BCL9L: variants seen among roughly 807,000 people sequenced by gnomAD.
BCL9L encodes the protein B-cell CLL/lymphoma 9-like protein.
Under a neutral mutation model 99.4 loss-of-function variants are expected in BCL9L, and 19 were observed. The ratio of observed to expected loss-of-function variants is 0.19; its 90% CI spans 0.13 to 0.28. The LOEUF is 0.28. BCL9L is among the 10% of genes least tolerant of loss of function. The probability of loss-of-function intolerance (pLI) is 1.00; values close to 1 mark genes in which losing one functional copy is unlikely to be tolerated. For missense variants in BCL9L, 2,023 were observed against 2,101.6 expected (o/e 0.96, Z 0.73); for synonymous variants, 900 against 854.8 (o/e 1.05, Z -0.92).
Position 118,902,288 on chromosome 11 carries a change from C to T in BCL9L, c.1455G>A (p.Glu485=). The change falls in exon 8 of 10, where the codon GAG becomes GAA. Residue 485 remains glutamate, a synonymous_variant. Coordinates refer to ENST00000683865, the MANE Select transcript of BCL9L (RefSeq NM_001378213.1). The surrounding 1 kb of genome is among the most constrained non-coding windows in gnomAD (Gnocchi z 7.8). The part of the protein sequence containing the change: ...QTQSLGGPPL[E]HEVPGHPPGG... Reference sequence around the variant, plus strand: ...CCGGGGGGTGCCCAGGCACTTCATGCTCCAGCGGGGGGCCCCCTAGGCTCT... The same window carrying T: ...CCGGGGGGTGCCCAGGCACTTCATGTTCCAGCGGGGGGCCCCCTAGGCTCT... The T allele has an allele frequency of 2.5e-6, 4 of 1,584,208 alleles. No individual in the cohort carries two copies. The highest frequency in any genetic ancestry group is 3.4e-6 in the Non-Finnish European group (4 of 1,163,856).
Position 118,922,159 on chromosome 11 carries a change from G to A in BCL9L, c.-131+3079C>T, listed in dbSNP as rs1039670133. On this transcript the variant is annotated intron_variant, in intron 1 of 9. Transcript: ENST00000683865. The surrounding 1 kb of genome is among the most constrained non-coding windows in gnomAD (Gnocchi z 6.2). ...AGGCTGAGTTCTCCCAGGAGGGGAG[G>A]GAGGGGAGGTCAGGCCAGGCTGGGG... Among the ~76,000 whole-genome samples, 3 of 152,080 alleles carry A rather than the reference G, an allele frequency of 2.0e-5. No homozygotes were observed. Among genetic ancestry groups the A allele is most frequent in the African/African-American group, 7.2e-5 (3 of 41,424 alleles).
At position 118,900,074 on chromosome 11, in the gene BCL9L, G is replaced by C. The variant is rs745531554; in HGVS notation, c.3249C>G (p.Pro1083=). ...ACATCTGGGTCATCATCAGTGACAG[G>C]GGGTTCTGGGAAGGTGTGGGGTCTG... The part of the protein sequence containing the change: ...SSPDPTPSQN[P]LSLMMTQMSK... The change falls in exon 9 of 10, where the codon CCC becomes CCG. Residue 1083 remains proline, a synonymous_variant. Coordinates refer to ENST00000683865, the MANE Select transcript of BCL9L (RefSeq NM_001378213.1). This position sits in a 1 kb window ranked among gnomAD's most constrained non-coding sequence, Gnocchi z 5.3. 1 of 1,614,020 alleles carries C rather than the reference G, an allele frequency of 6.2e-7. No individual in the cohort carries two copies. The highest frequency in any genetic ancestry group is 8.5e-7 in the Non-Finnish European group (1 of 1,179,962).
Position 118,907,596 on chromosome 11 carries a change from G to C in BCL9L, c.419C>G (p.Ala140Gly). ...CACACAGCGCCGCTTACTCCGCGGCGCCACCTCTGCCCAGGCAGGACGGAG... is the reference window on the plus strand; with the variant it reads ...CACACAGCGCCGCTTACTCCGCGGCCCCACCTCTGCCCAGGCAGGACGGAG... ...PSLDSEAKEV[A>G]PRSKRRCVLE... Residue 140 changes from alanine to glycine, a missense_variant, in exon 5 of 10, where the codon GCG becomes GGG. Ala to Gly is a moderately conservative substitution (Grantham distance 60, BLOSUM62 0). This residue lies in a region of BCL9L where 1,116 missense variants were observed against 1,194.6 expected (regional missense o/e 0.93). Coordinates refer to ENST00000683865, the MANE Select transcript of BCL9L (RefSeq NM_001378213.1). 1 of 1,612,568 alleles carries C rather than the reference G, an allele frequency of 6.2e-7. No individual in the cohort carries two copies. Among genetic ancestry groups the C allele is most frequent in the African/African-American group, 1.3e-5 (1 of 75,066 alleles).
intron 2 of BCL9L, among the ~76,000 whole-genome samples, chr11:118,918,029 A>G (rs1423035260): frequency 6.6e-6 from 1 of 152,116 alleles, no homozygotes; most frequent in Non-Finnish European, 1.5e-5. Context: ...CTCAGTAGAG[A>G]GCAGGACCAC....
chr11:118,908,291 A>G lies in BCL9L; in HGVS notation c.391T>C (p.Ser131Pro), dbSNP rs1940614205. The G allele has an allele frequency of 1.9e-6, 3 of 1,559,290 alleles. No individual in the cohort carries two copies. The highest frequency in any genetic ancestry group is 2.4e-5 in the South Asian group (2 of 82,376). ...GTACCTTTGGCCTCTGAATCCAGGG[A>G]TGGGGTCCCAGCCTCTCGCTGCTCT... ...SGEQREAGTPSLDSEAKEVAP... is the reference protein window; with the variant it reads ...SGEQREAGTPPLDSEAKEVAP... The change falls in exon 4 of 10, where the codon TCC becomes CCC. Residue 131 changes from serine (S) to proline (P), a missense_variant. Around this residue, in one of 3 missense-constraint regions of BCL9L, gnomAD observed 1,116 missense variants for 1,194.6 expected, o/e 0.93. Transcript: ENST00000683865.
At position 118,911,507 on chromosome 11, in the gene BCL9L, A is replaced by G. The variant is rs143276911; in HGVS notation, c.-76-1492T>C. On this transcript the variant is annotated intron_variant, in intron 2 of 9. Coordinates refer to ENST00000683865, the MANE Select transcript of BCL9L (RefSeq NM_001378213.1). ...GCCTGGGAAGCAGCCCGCCACCCCC[A>G]GCTTCTCCATCACAACCAGGGAAGA... Among the ~76,000 whole-genome samples the G allele has an allele frequency of 5.0e-3, 758 of 152,344 alleles. 10 individuals are homozygous for G. The highest frequency in any genetic ancestry group is 0.017 in the African/African-American group (724 of 41,588).
intron 1 of BCL9L, among the ~76,000 whole-genome samples, chr11:118,923,015 TC>T (rs141852934): frequency 0.015 from 2,278 of 152,130 alleles, 54 homozygotes; most frequent in African/African-American, 0.052. Context: ...CCCCAGCTCC[TC>T]CTATTGGACT....
chr11:118,902,978 C>A lies in BCL9L; in HGVS notation c.834+12G>T. 3.1e-6 allele frequency: 5 copies of A among 1,595,108 alleles called. No homozygotes were observed. The highest frequency in any genetic ancestry group is 4.3e-6 in the Non-Finnish European group (5 of 1,175,232). On this transcript the variant is annotated intron_variant, in intron 7 of 9. Transcript: ENST00000683865. The surrounding 1 kb of genome is among the most constrained non-coding windows in gnomAD (Gnocchi z 7.8). ...CACCCAGTCCTGCTGCTCACAGAGG[C>A]GCCACGCTCACCTGGTCAAGCTTGG...
At chr11:118,910,210 CTCAGGGGG>C in intron 2 of BCL9L, 195 bp from the exon 3 acceptor site, 1 of 504,752 alleles carries the variant, frequency 2.0e-6, no homozygotes, top group Non-Finnish European at 3.6e-6. Flanking sequence ...GCACCTTGCC[CTCAGGGGG>C]CTTGCAGTCT....
rs561140310 is a variant in BCL9L, at chr11:118,897,916, G to A, written c.*499C>T. 1,227 of 452,720 alleles carry A rather than the reference G, an allele frequency of 2.7e-3. 9 individuals carry two copies. Among genetic ancestry groups the A allele is most frequent in the African/African-American group, 0.023 (1,128 of 49,672 alleles). 28.0% of individuals were successfully genotyped at this position (452,720 alleles called of 1,614,324 possible). A position where few individuals can be genotyped will look rare whatever the true frequency, so the allele number is the denominator to read the frequency against. Reference sequence around the variant, plus strand: ...GAGAGGGGTCAGCCACATCAGCAGGGAAAGGATACGAAGCAGGTAAAGACA... The same window carrying A: ...GAGAGGGGTCAGCCACATCAGCAGGAAAAGGATACGAAGCAGGTAAAGACA... On this transcript the variant is annotated 3_prime_UTR_variant, in exon 10 of 10. Coordinates refer to ENST00000683865, the MANE Select transcript of BCL9L (RefSeq NM_001378213.1).
chr11:118,920,115 G>A (rs1233951600), intron 1 of BCL9L, among the ~76,000 whole-genome samples: 3 of 152,102 alleles, frequency 2.0e-5, no homozygotes, highest in Admixed American at 6.5e-5. Context: ...AATCAGCCCC[G>A]GCCCCAGCAC....
chr11:118,898,527 G>A lies in BCL9L; in HGVS notation c.4388C>T (p.Pro1463Leu), dbSNP rs761306920. 1.3e-5 allele frequency: 21 copies of A among 1,598,872 alleles called. No homozygotes were observed. The highest frequency in any genetic ancestry group is 5.4e-5 in the African/African-American group (4 of 74,694). ...LSPQGSLMGP[P>L]PQQNLMVSHP... Reference sequence around the variant, plus strand: ...GGACACCATGAGGTTCTGCTGGGGCGGGGGGCCCATGAGGGAGCCCTGCGG... The same window carrying A: ...GGACACCATGAGGTTCTGCTGGGGCAGGGGGCCCATGAGGGAGCCCTGCGG... The change falls in exon 10 of 10, where the codon CCG (proline) becomes CTG (leucine). Residue 1463 changes from proline (P) to leucine (L), a missense_variant. Physicochemically the swap from Pro to Leu is moderately conservative, Grantham distance 98. This residue lies in a region of BCL9L where 902 missense variants were observed against 888.2 expected (regional missense o/e 1.02). Transcript: ENST00000683865.
Position 118,901,086 on chromosome 11 carries a change from CG to C in BCL9L, c.2656del (p.Arg886GlyfsTer25). Reference sequence around the variant, plus strand: ...AGGGGGCAGAGGCATGTGGCTGAGCCGGGTGGTGCCCACGTTGCTCATGGGC... The same window carrying C: ...AGGGGGCAGAGGCATGTGGCTGAGCCGGTGGTGCCCACGTTGCTCATGGGC... The part of the protein sequence containing the change: ...SMPMSNVGTT[R>X]LSHMPLPPAS... On this transcript the variant is annotated frameshift_variant, in exon 8 of 10. Transcript: ENST00000683865. LOFTEE classifies it high-confidence loss of function. The surrounding 1 kb of genome is among the most constrained non-coding windows in gnomAD (Gnocchi z 6.6). 1 of 1,606,418 alleles carries C rather than the reference CG, an allele frequency of 6.2e-7. No homozygotes were observed. The highest frequency in any genetic ancestry group is 8.5e-7 in the Non-Finnish European group (1 of 1,175,438).
Position 118,902,652 on chromosome 11 carries a change from G to A in BCL9L, c.1091C>T (p.Pro364Leu), listed in dbSNP as rs761962455. Reference sequence around the variant, plus strand: ...GCTGGGGTCTCCTCCAGGAGGCAGAGGGTTGTTGGCGGTGGTAGCCGTCGG... The same window carrying A: ...GCTGGGGTCTCCTCCAGGAGGCAGAAGGTTGTTGGCGGTGGTAGCCGTCGG... ...NTPTATTANN[P>L]LPPGGDPSSA... The change falls in exon 8 of 10, where the codon CCT becomes CTT. Residue 364 changes from proline (P) to leucine (L), a missense_variant. Pro to Leu is a moderately conservative substitution (Grantham distance 98, BLOSUM62 -3). Around this residue, in one of 3 missense-constraint regions of BCL9L, gnomAD observed 1,116 missense variants for 1,194.6 expected, o/e 0.93. Transcript: ENST00000683865. This position sits in a 1 kb window ranked among gnomAD's most constrained non-coding sequence, Gnocchi z 7.8. 6.3e-7 allele frequency: 1 copy of A among 1,599,744 alleles called. No homozygotes were observed. The highest frequency in any genetic ancestry group is 1.1e-5 in the South Asian group (1 of 91,076).
rs1430627046 is a variant in BCL9L, at chr11:118,901,037, C to A, written c.2706G>T (p.Val902=). The change falls in exon 8 of 10, where the codon GTG becomes GTT. Residue 902 remains valine (V), a synonymous_variant. Coordinates refer to ENST00000683865, the MANE Select transcript of BCL9L (RefSeq NM_001378213.1). This position sits in a 1 kb window ranked among gnomAD's most constrained non-coding sequence, Gnocchi z 6.6. The stretch of plus-strand genomic sequence containing the variant: ...CTAGCCCCCGGTTTGGGGCTGAATG[C>A]ACGGTCCCAGGAGGATTGGACGCAG... The part of the protein sequence containing the change: ...LPPASNPPGT[V]HSAPNRGLGR... The A allele has an allele frequency of 6.3e-7, 1 of 1,577,158 alleles. No individual in the cohort carries two copies. Among genetic ancestry groups the A allele is most frequent in the Non-Finnish European group, 8.6e-7 (1 of 1,160,702 alleles).
intron 1 of BCL9L, among the ~76,000 whole-genome samples, chr11:118,924,718 A>C (rs549197073): frequency 6.6e-6 from 1 of 151,976 alleles, no homozygotes; most frequent in Non-Finnish European, 1.5e-5. Flanking sequence ...AGCCAAGCCC[A>C]CATCACTCAG....
chr11:118,920,867 G>T (rs1941118036), intron 1 of BCL9L, among the ~76,000 whole-genome samples: 1 of 152,182 alleles, frequency 6.6e-6, no homozygotes, highest in African/African-American at 2.4e-5. Flanking sequence ...CTATCAAAGG[G>T]CAGAGGACTG....
rs759341742 is a variant in BCL9L, at chr11:118,907,538, T to C, written c.477A>G (p.Glu159=). The stretch of plus-strand genomic sequence containing the variant: ...CCTCACTGTCCGGTCCAGAGCACCA[T>C]TCGTCCCCACTGTACGGCTGCTTCC... The part of the protein sequence containing the change: ...LERKQPYSGD[E]WCSGPDSEED... The change falls in exon 5 of 10, where the codon GAA becomes GAG. Residue 159 remains glutamate, a synonymous_variant. Coordinates refer to ENST00000683865, the MANE Select transcript of BCL9L (RefSeq NM_001378213.1). 1 of 1,614,188 alleles carries C rather than the reference T, an allele frequency of 6.2e-7. No individual in the cohort carries two copies. Among genetic ancestry groups the C allele is most frequent in the East Asian group, 2.2e-5 (1 of 44,874 alleles).
In BCL9L at chr11:118,902,159, G is replaced by A. The variant is rs779579034; in HGVS notation, c.1584C>T (p.Tyr528=). 4.0e-5 allele frequency: 64 copies of A among 1,613,952 alleles called. No individual in the cohort carries two copies. The highest frequency in any genetic ancestry group is 1.0e-4 in the Admixed American group (6 of 60,000). ...GTTCCTCTTTCCGCCGTTTCTCTTC[G>A]TAGTACTCCTCCTGCAGCTTGCGCC... The part of the protein sequence containing the change: ...VAWRKLQEEY[Y]EEKRRKEEQI... Residue 528 remains tyrosine, a synonymous_variant, in exon 8 of 10, where the codon TAC becomes TAT. Transcript: ENST00000683865. This position sits in a 1 kb window ranked among gnomAD's most constrained non-coding sequence, Gnocchi z 7.8.
Sources: gnomAD v4.1 joint callset for allele counts (sites outside exome capture counted in the v4.1 genomes callset) on GRCh38, gnomAD v4.1.1 for gene constraint, gnomAD v4.1.1 regional missense constraint, Gnocchi (gnomAD v3.1) non-coding constraint, MANE v1.5 for transcripts, NCBI Gene and HGNC (gene_info 2026-07-23, HGNC 2026-07-21) for gene names.